The following SLC33A1 variants were observed in gnomAD, a reference collection of about 807,000 sequenced individuals.
SLC33A1 encodes the protein acetyl-coenzyme A transporter 1.
In SLC33A1, 20 loss-of-function variants were observed where a neutral mutation model predicts 50.0. The ratio of observed to expected loss-of-function variants is 0.40; its 90% CI spans 0.28 to 0.58. SLC33A1 has a LOEUF of 0.58. SLC33A1 is among the 20% of genes least tolerant of loss of function. The pLI is 0.44. For synonymous variants in SLC33A1, 265 were observed against 251.8 expected (o/e 1.05, Z -0.50); for missense variants, 476 against 657.0 (o/e 0.72, Z 3.01).
At position 155,836,280 on chromosome 3, in the gene SLC33A1, C is replaced by CAAAAA. The variant is rs57460942; in HGVS notation, c.964-2244_964-2240dup. 3.0e-3 allele frequency among the ~76,000 whole-genome samples: 81 copies of CAAAAA among 27,158 alleles called. 6 individuals are homozygous for CAAAAA. Among genetic ancestry groups the CAAAAA allele is most frequent in the Admixed American group, 7.6e-3 (9 of 1,188 alleles). 17.8% of individuals were successfully genotyped at this position (27,158 alleles called of 152,430 possible). Reference sequence around the variant, plus strand: ...GCCTGGTGACAGAGTGAGACTCTGTCAAAAAAAAAAAAAAAAAAAAAAAAA... The same window carrying CAAAAA: ...GCCTGGTGACAGAGTGAGACTCTGTCAAAAAAAAAAAAAAAAAAAAAAAAAAAAAA... On this transcript the variant is annotated intron_variant, in intron 2 of 5. Transcript: ENST00000643144.
chr3:155,828,209 A>T lies in SLC33A1; in HGVS notation c.*1T>A, dbSNP rs73159036. 3.3e-5 allele frequency: 53 copies of T among 1,606,808 alleles called. No homozygotes were observed. The Middle Eastern group carries it at 5.0e-4, about 15-fold the overall frequency. On this transcript the variant is annotated 3_prime_UTR_variant, in exon 6 of 6. Transcript: ENST00000643144. ...TGCTAGAATGTCCAGTAGCATATAT[A>T]TTAATTGTTCCTTTTGCATTTCCAC...
At position 155,845,472 on chromosome 3, in the gene SLC33A1, G is replaced by A. The variant is rs142303800; in HGVS notation, c.776-2853C>T. On this transcript the variant is annotated intron_variant, in intron 1 of 5. Coordinates refer to ENST00000643144, the MANE Select transcript of SLC33A1 (RefSeq NM_004733.4). The stretch of plus-strand genomic sequence containing the variant: ...CTCCCAAAATGTTGAGATTACAGGT[G>A]TGAGCCACGGTACCCAGACAAGGAT... Among the ~76,000 whole-genome samples, 1,003 of 152,278 alleles carry A rather than the reference G, an allele frequency of 6.6e-3. 15 individuals are homozygous for A. The highest frequency in any genetic ancestry group is 0.023 in the African/African-American group (948 of 41,546).
chr3:155,838,478 C>T (rs780151798), intron 2 of SLC33A1, among the ~76,000 whole-genome samples: 1 of 150,664 alleles, frequency 6.6e-6, no homozygotes, highest in African/African-American at 2.4e-5. Context: ...CTCAGGAGTT[C>T]GAGACCAGCC....
In SLC33A1 at chr3:155,850,836, C is replaced by T. The variant is rs139315862; in HGVS notation, c.775+2387G>A. ...TTTGCCATGTTGGCCAGGTTGGTCT[C>T]AAACTCCTGATCTCAGGTGATCTGT... On this transcript the variant is annotated intron_variant, in intron 1 of 5. Transcript: ENST00000643144. Among the ~76,000 whole-genome samples the T allele has an allele frequency of 7.4e-3, 1,117 of 151,944 alleles. 9 individuals are homozygous for T. The highest frequency in any genetic ancestry group is 0.025 in the African/African-American group (1,050 of 41,482).
At chr3:155,831,843 TA>T (rs1226181586) in intron 4 of SLC33A1, among the ~76,000 whole-genome samples, 1 of 152,238 alleles carries the variant, frequency 6.6e-6, no homozygotes, top group African/African-American at 2.4e-5. Context: ...CAGGATCCAC[TA>T]CAGATTTCTC....
In SLC33A1 at chr3:155,853,930, A is replaced by G; in HGVS notation, c.68T>C (p.Leu23Pro). The stretch of plus-strand genomic sequence containing the variant: ...CGGCAGGGGACCGCTCTTCATATCC[A>G]GAGAGTGACTGAAATTCCCTGGCCG... ...QRRPGNFSHSLDMKSGPLPPG... is the reference protein window; with the variant it reads ...QRRPGNFSHSPDMKSGPLPPG... The change falls in exon 1 of 6, where the codon CTG becomes CCG. Residue 23 changes from leucine to proline, a missense_variant. Leu to Pro is a moderately conservative substitution (Grantham distance 98). Transcript: ENST00000643144. 1 of 1,539,496 alleles carries G rather than the reference A, an allele frequency of 6.5e-7. No individual in the cohort carries two copies. Among genetic ancestry groups the G allele is most frequent in the Non-Finnish European group, 8.7e-7 (1 of 1,148,210 alleles).
chr3:155,846,865 T>C (rs140715360), intron 1 of SLC33A1, among the ~76,000 whole-genome samples: 7 of 152,296 alleles, frequency 4.6e-5, no homozygotes, highest in Admixed American at 2.6e-4. Flanking sequence ...TTGGTGTGTC[T>C]TCCTAAAGAA....
Position 155,854,286 on chromosome 3 carries a change from G to A in SLC33A1, c.-289C>T, listed in dbSNP as rs1753538454. Reference sequence around the variant, plus strand: ...AGCAGCGCCGGGCTCGAGGCTGGAGGTGTGTGCCGTGGTGCCAGGATGGAA... The same window carrying A: ...AGCAGCGCCGGGCTCGAGGCTGGAGATGTGTGCCGTGGTGCCAGGATGGAA... On this transcript the variant is annotated 5_prime_UTR_variant, in exon 1 of 6. Coordinates refer to ENST00000643144, the MANE Select transcript of SLC33A1 (RefSeq NM_004733.4). 1 of 315,984 alleles carries A rather than the reference G, an allele frequency of 3.2e-6. No individual in the cohort carries two copies. Among genetic ancestry groups the A allele is most frequent in the African/African-American group, 2.1e-5 (1 of 46,896 alleles). 19.6% of individuals were successfully genotyped at this position (315,984 alleles called of 1,614,324 possible). A position where few individuals can be genotyped will look rare whatever the true frequency, so the allele number is the denominator to read the frequency against.
intron 2 of SLC33A1, among the ~76,000 whole-genome samples, chr3:155,834,482 A>C (rs1991546): frequency 0.026 from 3,969 of 152,290 alleles, 165 homozygotes; most frequent in African/African-American, 0.091. Flanking sequence ...GACCATAATA[A>C]AATTTCCTAA....
At chr3:155,841,900 A>G (rs1752952281) in intron 2 of SLC33A1, among the ~76,000 whole-genome samples, 1 of 152,054 alleles carries the variant, frequency 6.6e-6, no homozygotes, top group African/African-American at 2.4e-5. Context: ...GGCACGTGCC[A>G]CCATGACCGG....
chr3:155,843,255 C>A (rs183495012), intron 1 of SLC33A1, among the ~76,000 whole-genome samples: 1 of 152,118 alleles, frequency 6.6e-6, no homozygotes, highest in Non-Finnish European at 1.5e-5. Context: ...ATTTTCATAT[C>A]CCCTAAGATC....
At chr3:155,849,895 GAGA>G (rs1753329812) in intron 1 of SLC33A1, among the ~76,000 whole-genome samples, 1 of 139,184 alleles carries the variant, frequency 7.2e-6, no homozygotes, top group Admixed American at 7.5e-5. Context: ...GCGACAGAGC[GAGA>G]CTCCATCTCA....
At position 155,824,209 on chromosome 3, in the gene SLC33A1, A is replaced by C. The variant is rs1056854029; in HGVS notation, c.*4001T>G. 2.6e-5 allele frequency: 4 copies of C among 152,250 alleles called. No individual in the cohort carries two copies. Among genetic ancestry groups the C allele is most frequent in the Non-Finnish European group, 4.4e-5 (3 of 68,046 alleles). 9.4% of individuals were successfully genotyped at this position (152,250 alleles called of 1,614,324 possible). A position where few individuals can be genotyped will look rare whatever the true frequency, so the allele number is the denominator to read the frequency against. On this transcript the variant is annotated 3_prime_UTR_variant, in exon 6 of 6. Coordinates refer to ENST00000643144, the MANE Select transcript of SLC33A1 (RefSeq NM_004733.4). ...AGTTTATTTTCTTTCTCTAATAATAAGGTAAAATACATTTTGGAAATCTGC... is the reference window on the plus strand; with the variant it reads ...AGTTTATTTTCTTTCTCTAATAATACGGTAAAATACATTTTGGAAATCTGC...
rs1026176312 is a variant in SLC33A1, at chr3:155,823,679, GA to G, written c.*4530del. 1.3e-5 allele frequency: 2 copies of G among 151,990 alleles called. No individual in the cohort carries two copies. The highest frequency in any genetic ancestry group is 2.9e-5 in the Non-Finnish European group (2 of 68,016). 9.4% of individuals were successfully genotyped at this position (151,990 alleles called of 1,614,324 possible). On this transcript the variant is annotated 3_prime_UTR_variant, in exon 6 of 6. Transcript: ENST00000643144. The stretch of plus-strand genomic sequence containing the variant: ...ATAATAAAATAAAATAAAGTAAAAA[GA>G]ACATGGTCTGCAGTAGGTGTTTTTG...
At chr3:155,851,700 G>A (rs1308509194) in intron 1 of SLC33A1, among the ~76,000 whole-genome samples, 2 of 152,148 alleles carry the variant, frequency 1.3e-5, no homozygotes, top group African/African-American at 4.8e-5. Flanking sequence ...TTACAGGTGT[G>A]AGCCACTGTG....
Position 155,833,978 on chromosome 3 carries a change from C to G in SLC33A1, c.1027G>C (p.Glu343Gln). 6.2e-7 allele frequency: 1 copy of G among 1,613,842 alleles called. No individual in the cohort carries two copies. The highest frequency in any genetic ancestry group is 8.5e-7 in the Non-Finnish European group (1 of 1,179,804). Residue 343 changes from glutamate to glutamine, a missense_variant, in exon 3 of 6, where the codon GAA becomes CAA. Transcript: ENST00000643144. ...LKLVEEGVPK[E>Q]HLALLAVPMV... is the part of the protein sequence containing the mutation. ...GGAACTGCCAATAAGGCTAAATGTT[C>G]TTTGGGTACTCCCTCTTCTACCAAT... is the stretch of plus-strand genomic sequence containing the variant.
chr3:155,847,351 AT>A lies in SLC33A1; in HGVS notation c.776-4733del, dbSNP rs531320246. Among the ~76,000 whole-genome samples, 7 of 152,350 alleles carry A rather than the reference AT, an allele frequency of 4.6e-5. No homozygotes were observed. In the East Asian group the frequency reaches 1.3e-3, roughly 29 times the overall value. Reference sequence around the variant, plus strand: ...AAATGGGTCAATTAGTCTTTTCCAAATTCTAACAGGCATTTTGAGTCATATA... The same window carrying A: ...AAATGGGTCAATTAGTCTTTTCCAAATCTAACAGGCATTTTGAGTCATATA... On this transcript the variant is annotated intron_variant, in intron 1 of 5. Coordinates refer to ENST00000643144, the MANE Select transcript of SLC33A1 (RefSeq NM_004733.4).
chr3:155,846,233 A>G (rs1252201473), intron 1 of SLC33A1, among the ~76,000 whole-genome samples: 1 of 152,232 alleles, frequency 6.6e-6, no homozygotes, highest in Non-Finnish European at 1.5e-5. Context: ...CCTACTTTAT[A>G]TACAAGGAAA....
At chr3:155,840,912 G>C (rs1376514643) in intron 2 of SLC33A1, among the ~76,000 whole-genome samples, 1 of 152,148 alleles carries the variant, frequency 6.6e-6, no homozygotes, top group Non-Finnish European at 1.5e-5. Flanking sequence ...TTGAACCCAG[G>C]AGGCAGAGGT....
Sources: gnomAD v4.1 joint callset for allele counts (sites outside exome capture counted in the v4.1 genomes callset) on GRCh38, gnomAD v4.1.1 for gene constraint, MANE v1.5 for transcripts, NCBI Gene and HGNC (gene_info 2026-07-23, HGNC 2026-07-21) for gene names.